The following RRM2B variants were observed in gnomAD, a reference collection of about 807,000 sequenced individuals.
RRM2B encodes the protein ribonucleoside-diphosphate reductase subunit M2 B.
Under a neutral mutation model 45.9 loss-of-function variants are expected in RRM2B, and 20 were observed. The observed-to-expected ratio is 0.44, with a 90% CI of 0.31 to 0.63. RRM2B has a LOEUF of 0.63. RRM2B is among the 30% of genes least tolerant of loss of function. The probability of loss-of-function intolerance (pLI) is 0.09; values close to 1 mark genes in which losing one functional copy is unlikely to be tolerated. For missense variants in RRM2B, 320 were observed against 414.7 expected (o/e 0.77, Z 1.98); for synonymous variants, 124 against 132.3 (o/e 0.94, Z 0.43).
At chr8:102,229,705 C>G (rs1449375285) in intron 2 of RRM2B, among the ~76,000 whole-genome samples, 14 of 152,116 alleles carry the variant, frequency 9.2e-5, no homozygotes, top group Admixed American at 8.5e-4. Context: ...CTGCCTCAAC[C>G]TCCTGAGTAG....
At chr8:102,219,161 A>ATGGACTTCTGTAGGTCTTGGCGT in intron 5 of RRM2B, 1 of 581,202 alleles carries the variant, frequency 1.7e-6, no homozygotes, top group Non-Finnish European at 3.0e-6. Context: ...CTGTCAGACG[A>ATGGACTTCTGTAGGTCTTGGCGT]TGGACTTCTG....
rs1343010567 is a variant in RRM2B, at chr8:102,205,972, T to C, written c.*2161A>G. The C allele has an allele frequency of 1.3e-5, 2 of 152,056 alleles. No individual in the cohort carries two copies. Among genetic ancestry groups the C allele is most frequent in the Non-Finnish European group, 2.9e-5 (2 of 67,958 alleles). 9.4% of individuals were successfully genotyped at this position (152,056 alleles called of 1,614,324 possible). The stretch of plus-strand genomic sequence containing the variant: ...CATCTGTCATTACCTATGAAAAAGA[T>C]TTGGATTCAAAACAAAGGAATATAC... On this transcript the variant is annotated 3_prime_UTR_variant, in exon 9 of 9. Coordinates refer to ENST00000251810, the MANE Select transcript of RRM2B (RefSeq NM_015713.5).
Position 102,215,944 on chromosome 8 carries a change from C to CAAAAA in RRM2B, c.685-1791_685-1787dup, listed in dbSNP as rs60059243. Among the ~76,000 whole-genome samples the CAAAAA allele has an allele frequency of 2.1e-3, 158 of 75,050 alleles. 1 individual carries two copies. The highest frequency in any genetic ancestry group is 4.0e-3 in the African/African-American group (69 of 17,166). The allele number at this position is 75,050 out of a possible 152,430, so 49.2% of individuals were successfully genotyped here. A position where few individuals can be genotyped will look rare whatever the true frequency, so the allele number is the denominator to read the frequency against. Reference sequence around the variant, plus strand: ...TGGGTGACAGAGAAAGACCCTGTCTCAAAAAAAAAAAAAAAAAAAAAAGAA... The same window carrying CAAAAA: ...TGGGTGACAGAGAAAGACCCTGTCTCAAAAAAAAAAAAAAAAAAAAAAAAAAAGAA... On this transcript the variant is annotated intron_variant, in intron 6 of 8. Coordinates refer to ENST00000251810, the MANE Select transcript of RRM2B (RefSeq NM_015713.5).
chr8:102,231,095 T>C (rs1563667056), intron 2 of RRM2B, among the ~76,000 whole-genome samples: 2 of 152,196 alleles, frequency 1.3e-5, no homozygotes, highest in Non-Finnish European at 2.9e-5. Flanking sequence ...TACAAACATA[T>C]ACAGAACAAG....
rs1810678907 is a variant in RRM2B at position 102,213,919 on chromosome 8, T to A, written c.789+135A>T. 2 of 690,432 alleles carry A rather than the reference T, an allele frequency of 2.9e-6. 1 individual carries two copies. Among genetic ancestry groups the A allele is most frequent in the South Asian group, 3.1e-5 (2 of 64,578 alleles). The allele number at this position is 690,432 out of a possible 1,614,324, so 42.8% of individuals were successfully genotyped here. On this transcript the variant is annotated intron_variant, in intron 7 of 8. Transcript: ENST00000251810. ...ATAATAATTGTAATATATCATGTAT[T>A]GGTATTGTCAGGCTGACCAGAATAA...
chr8:102,223,600 C>A lies in RRM2B; in HGVS notation c.550+446G>T, dbSNP rs957758512. Among the ~76,000 whole-genome samples the A allele has an allele frequency of 6.8e-5, 10 of 147,784 alleles. No individual in the cohort carries two copies. In the Admixed American group the frequency reaches 7.1e-4, roughly 10 times the overall value. ...ATCCCAGCTACTCAGGAGGCTGAGG[C>A]AGGGAGAATTGCTTGAACTTGGAAG... On this transcript the variant is annotated intron_variant, in intron 5 of 8. Coordinates refer to ENST00000251810, the MANE Select transcript of RRM2B (RefSeq NM_015713.5).
At chr8:102,223,966 G>T in intron 5 of RRM2B, 80 bp downstream of exon 5, 1 of 975,832 alleles carries the variant, frequency 1.0e-6, no homozygotes, top group Non-Finnish European at 1.7e-6. Flanking sequence ...ACTTTGATTC[G>T]TACTGGATAG....
intron 7 of RRM2B, among the ~76,000 whole-genome samples, chr8:102,213,313 G>T (rs1810667029): frequency 6.6e-6 from 1 of 152,080 alleles, no homozygotes; most frequent in African/African-American, 2.4e-5. Context: ...TGAGAAAAAA[G>T]AAACAAACAG....
In RRM2B at chr8:102,207,793, A is replaced by C. The variant is rs1810569523; in HGVS notation, c.*340T>G. On this transcript the variant is annotated 3_prime_UTR_variant, in exon 9 of 9. Coordinates refer to ENST00000251810, the MANE Select transcript of RRM2B (RefSeq NM_015713.5). ...GGACCTACTATTACTCCCATTTTAA[A>C]GATAAGTACACCGAGGTTTACCAAG... is the stretch of plus-strand genomic sequence containing the variant. 2.5e-5 allele frequency: 5 copies of C among 201,038 alleles called. No individual in the cohort carries two copies. In the South Asian group the frequency reaches 4.8e-4, roughly 19 times the overall value. 12.5% of individuals were successfully genotyped at this position (201,038 alleles called of 1,614,324 possible). A position where few individuals can be genotyped will look rare whatever the true frequency, so the allele number is the denominator to read the frequency against.
At chr8:102,232,389 G>C (rs1252168537) in intron 1 of RRM2B, 85 bp from the exon 2 acceptor site, 8 of 1,382,572 alleles carry the variant, frequency 5.8e-6, no homozygotes, top group African/African-American at 1.4e-5. Context: ...GGAAGTCAGG[G>C]AGACGGCATT....
At chr8:102,219,248 T>G (rs946913455) in intron 5 of RRM2B, among the ~76,000 whole-genome samples, 3 of 152,248 alleles carry the variant, frequency 2.0e-5, no homozygotes, top group African/African-American at 7.2e-5. Flanking sequence ...CACACATGAC[T>G]ATGAGTGCAG....
At position 102,204,699 on chromosome 8, in the gene RRM2B, T is replaced by C. The variant is rs1381465781; in HGVS notation, c.*3434A>G. The C allele has an allele frequency of 6.6e-6, 1 of 152,068 alleles. No individual in the cohort carries two copies. Among genetic ancestry groups the C allele is most frequent in the East Asian group, 1.9e-4 (1 of 5,200 alleles). 9.4% of individuals were successfully genotyped at this position (152,068 alleles called of 1,614,324 possible). On this transcript the variant is annotated 3_prime_UTR_variant, in exon 9 of 9. Coordinates refer to ENST00000251810, the MANE Select transcript of RRM2B (RefSeq NM_015713.5). ...GCTTGGCTTGATTGACCATAATGTA[T>C]TTCAGCAAAAAAAATTTAGATACAC...
chr8:102,238,632 G>A (rs770640993), intron 1 of RRM2B, 195 bp downstream of exon 1: 2 of 1,533,018 alleles, frequency 1.3e-6, no homozygotes, highest in Admixed American at 2.0e-5. Context: ...CAAACCCAAA[G>A]TCAGCTCCTT....
chr8:102,232,454 T>G, intron 1 of RRM2B, 150 bp from the exon 2 acceptor site: 1 of 758,518 alleles, frequency 1.3e-6, no homozygotes, highest in Non-Finnish European at 2.3e-6. Flanking sequence ...GGTAGCTGAC[T>G]AATACTGTTA....
At chr8:102,235,449 T>G (rs774815886) in intron 1 of RRM2B, among the ~76,000 whole-genome samples, 1 of 152,194 alleles carries the variant, frequency 6.6e-6, no homozygotes, top group South Asian at 2.1e-4. Context: ...ATTAGATGTT[T>G]AACGGAAGTT....
chr8:102,238,605 G>C (rs1339599643), intron 1 of RRM2B: 2 of 1,528,148 alleles, frequency 1.3e-6, no homozygotes, highest in Admixed American at 2.0e-5. Flanking sequence ...CCCCGGGGCA[G>C]AGCAGCGAGC....
At chr8:102,223,689 C>G (rs1397321888) in intron 5 of RRM2B, among the ~76,000 whole-genome samples, 1 of 131,640 alleles carries the variant, frequency 7.6e-6, no homozygotes, top group African/African-American at 2.9e-5. Flanking sequence ...GAGCGAGACT[C>G]CGTCTCAAAA....
chr8:102,227,939 A>G (rs2132558070), intron 2 of RRM2B, among the ~76,000 whole-genome samples: 1 of 152,280 alleles, frequency 6.6e-6, no homozygotes, highest in East Asian at 1.9e-4. Flanking sequence ...CACACAGCAT[A>G]TATAGACATC....
rs1379862948 is a variant in RRM2B at position 102,206,138 on chromosome 8, C to T, written c.*1995G>A. The T allele has an allele frequency of 6.6e-6, 1 of 151,594 alleles. No homozygotes were observed. The highest frequency in any genetic ancestry group is 2.4e-5 in the African/African-American group (1 of 41,244). The allele number at this position is 151,594 out of a possible 1,614,324, so 9.4% of individuals were successfully genotyped here. On this transcript the variant is annotated 3_prime_UTR_variant, in exon 9 of 9. Transcript: ENST00000251810. ...TCAAATGTCTCTCTATATTTTGATA[C>T]TTTAATATATATATTTAAAGTATAT...
Sources: gnomAD v4.1 joint callset for allele counts (sites outside exome capture counted in the v4.1 genomes callset) on GRCh38, gnomAD v4.1.1 for gene constraint, MANE v1.5 for transcripts, NCBI Gene and HGNC (gene_info 2026-07-23, HGNC 2026-07-21) for gene names.